The following ZNF560 variants were observed in gnomAD, a reference collection of about 807,000 sequenced individuals.
The protein encoded by ZNF560 is zinc finger protein 560.
Under a neutral mutation model 81.8 loss-of-function variants are expected in ZNF560, and 54 were observed. That is an observed-to-expected ratio of 0.66 (90% CI 0.53 to 0.83). The LOEUF (loss-of-function observed/expected upper bound fraction) is 0.83. Among genes scored for constraint, ZNF560 ranks in the 40% least tolerant of loss-of-function variants. The pLI is 0.00. For synonymous variants in ZNF560, 321 were observed against 317.9 expected (o/e 1.01, Z -0.10); for missense variants, 940 against 932.4 (o/e 1.01, Z -0.11).
At chr19:9,463,967 G>A (rs931328448), downstream of ZNF560, among the ~76,000 whole-genome samples, 1 of 152,204 alleles carries the variant, frequency 6.6e-6, no homozygotes, top group Non-Finnish European at 1.5e-5. Flanking sequence ...ACAGGCATAA[G>A]CTATTACACC....
the ZNF560 span, among the ~76,000 whole-genome samples, chr19:9,504,590 TA>T: frequency 6.6e-6 from 1 of 152,186 alleles, no homozygotes; most frequent in African/African-American, 2.4e-5. Flanking sequence ...TTAGTTGGCT[TA>T]CCGTATTTTT....
the ZNF560 span, among the ~76,000 whole-genome samples, chr19:9,447,237 C>T: frequency 6.6e-6 from 1 of 151,862 alleles, no homozygotes; most frequent in Non-Finnish European, 1.5e-5. Context: ...TACCAACAAT[C>T]TGACACAGAT....
the ZNF560 span, among the ~76,000 whole-genome samples, chr19:9,451,833 G>A: frequency 6.6e-6 from 1 of 152,154 alleles, no homozygotes; most frequent in African/African-American, 2.4e-5. Context: ...CCAGCACTTT[G>A]GGAGGTCAAG....
intron 2 of ZNF560, among the ~76,000 whole-genome samples, chr19:9,475,980 T>C (rs1262688327): frequency 6.6e-6 from 1 of 152,212 alleles, no homozygotes; most frequent in Non-Finnish European, 1.5e-5. Context: ...AATGAGATTA[T>C]GCAGCACCTC....
downstream of ZNF560, among the ~76,000 whole-genome samples, chr19:9,461,352 CTCA>C (rs2072928454): frequency 6.6e-6 from 1 of 152,166 alleles, no homozygotes; most frequent in African/African-American, 2.4e-5. Context: ...GCAGTGAGAG[CTCA>C]AGAAGGAGTT....
chr19:9,447,386 C>T, the ZNF560 span, among the ~76,000 whole-genome samples: 1 of 151,982 alleles, frequency 6.6e-6, no homozygotes, highest in African/African-American at 2.4e-5. Context: ...TGGTCCCTTT[C>T]CAAAATGGAG....
At chr19:9,487,658 G>A (rs1211222194) in intron 2 of ZNF560, among the ~76,000 whole-genome samples, 2 of 152,170 alleles carry the variant, frequency 1.3e-5, no homozygotes, top group Admixed American at 1.3e-4. Context: ...CCTTTACTGG[G>A]GCTTGGGGTA....
In ZNF560 at chr19:9,471,385, C is replaced by T. The variant is rs762386144; in HGVS notation, c.239-7G>A. The T allele has an allele frequency of 6.9e-7, 1 of 1,442,462 alleles. No individual in the cohort carries two copies. Among genetic ancestry groups the T allele is most frequent in the East Asian group, 2.6e-5 (1 of 38,374 alleles). 89.4% of individuals were successfully genotyped at this position (1,442,462 alleles called of 1,614,324 possible). A position where few individuals can be genotyped will look rare whatever the true frequency, so the allele number is the denominator to read the frequency against. On this transcript the variant is annotated splice_region_variant and splice_polypyrimidine_tract_variant and intron_variant, in intron 5 of 9. Transcript: ENST00000301480. ...TGATGTTTTATTGCCCAGTCTGAAA[C>T]AAAAACATAAACTGAGGTTTTTTTT... is the stretch of plus-strand genomic sequence containing the variant.
intron 2 of ZNF560, among the ~76,000 whole-genome samples, chr19:9,494,294 G>A (rs985909692): frequency 5.9e-5 from 9 of 152,156 alleles, no homozygotes; most frequent in African/African-American, 2.2e-4. Flanking sequence ...TGTGGATGCT[G>A]ACTAGGCAAA....
At chr19:9,449,811 G>C in the ZNF560 span, among the ~76,000 whole-genome samples, 4 of 151,712 alleles carry the variant, frequency 2.6e-5, no homozygotes, top group African/African-American at 9.7e-5. Flanking sequence ...TCTGCTCAAA[G>C]TCCAAAAATT....
Position 9,467,788 on chromosome 19 carries a change from C to G in ZNF560, c.1159G>C (p.Val387Leu). 1 of 1,614,166 alleles carries G rather than the reference C, an allele frequency of 6.2e-7. No individual in the cohort carries two copies. Among genetic ancestry groups the G allele is most frequent in the Non-Finnish European group, 8.5e-7 (1 of 1,180,030 alleles). The part of the protein sequence containing the change: ...KCKHCGKTFT[V>L]PSGFLEHVRT... The stretch of plus-strand genomic sequence containing the variant: ...ACATGTTCAAGAAAGCCTGACGGCA[C>G]AGTGAAGGTTTTGCCACAGTGCTTA... The change falls in exon 10 of 10, where the codon GTG (valine) becomes CTG (leucine). Residue 387 changes from valine to leucine, a missense_variant. Transcript: ENST00000301480.
intron 2 of ZNF560, among the ~76,000 whole-genome samples, chr19:9,490,330 C>A (rs1430775481): frequency 6.6e-6 from 1 of 152,128 alleles, no homozygotes; most frequent in Non-Finnish European, 1.5e-5. Flanking sequence ...ATGATGAGAA[C>A]CTTGAGTGCC....
rs2073167816 is a variant in ZNF560 at position 9,474,378 on chromosome 19, T to C, written c.31-53A>G. 9.6e-6 allele frequency: 15 copies of C among 1,561,452 alleles called. No homozygotes were observed. In the South Asian group the frequency reaches 1.7e-4, roughly 18 times the overall value. ...AGCCAAGTAACAGATTAACCAGTGT[T>C]CACTGAAGAATCAGTTAACAGACCC... On this transcript the variant is annotated intron_variant, in intron 3 of 9. Coordinates refer to ENST00000301480, the MANE Select transcript of ZNF560 (RefSeq NM_152476.3).
At chr19:9,462,840 C>A (rs1399875615), downstream of ZNF560, among the ~76,000 whole-genome samples, 1 of 152,092 alleles carries the variant, frequency 6.6e-6, no homozygotes, top group Non-Finnish European at 1.5e-5. Context: ...GTCCTAGGTA[C>A]CTGAATTTTC....
upstream of ZNF560, among the ~76,000 whole-genome samples, chr19:9,499,718 T>C (rs1178201242): frequency 6.6e-6 from 1 of 152,238 alleles, no homozygotes. Flanking sequence ...AGTCTTCCTA[T>C]GTGTGAATAT....
intron 2 of ZNF560, among the ~76,000 whole-genome samples, chr19:9,478,237 A>T (rs973455873): frequency 6.6e-6 from 1 of 152,220 alleles, no homozygotes; most frequent in Non-Finnish European, 1.5e-5. Flanking sequence ...GAATGGGATG[A>T]CATATATAAA....
At chr19:9,500,389 C>G (rs1179151166), upstream of ZNF560, among the ~76,000 whole-genome samples, 1 of 89,630 alleles carries the variant, frequency 1.1e-5, no homozygotes, top group African/African-American at 4.0e-5. Context: ...AGCAAAACTT[C>G]ATCTCAAAAA....
At position 9,474,199 on chromosome 19, in the gene ZNF560, C is replaced by T; in HGVS notation, c.157G>A (p.Gly53Arg). ...CTGCATAAAATGATGGCAGTCTTAC[C>T]TACTTTGGCCACGTTCTCATAATTC... ...LENYENVAKV[G>R]FQLFKPSVIS... The change falls in exon 4 of 10, where the codon GGA (glycine) becomes AGA (arginine). Residue 53 changes from glycine (G) to arginine (R), a missense_variant and splice_region_variant. Transcript: ENST00000301480. 2.5e-6 allele frequency: 4 copies of T among 1,614,116 alleles called. No homozygotes were observed. Among genetic ancestry groups the T allele is most frequent in the Non-Finnish European group, 3.4e-6 (4 of 1,180,010 alleles).
At chr19:9,450,301 AC>A in the ZNF560 span, among the ~76,000 whole-genome samples, 1 of 151,434 alleles carries the variant, frequency 6.6e-6, no homozygotes, top group Non-Finnish European at 1.5e-5. Context: ...AAAAAAAAAA[AC>A]TGAAAAAAGA....
Sources: allele counts gnomAD v4.1 joint callset (sites outside exome capture counted in the v4.1 genomes callset), GRCh38; gene constraint gnomAD v4.1.1; transcripts MANE v1.5; gene names NCBI Gene and HGNC (gene_info 2026-07-23, HGNC 2026-07-21).